The following ANO10 variants were observed in gnomAD, a reference collection of about 807,000 sequenced individuals.
The protein encoded by ANO10 is anoctamin-10.
Under a neutral mutation model 74.7 loss-of-function variants are expected in ANO10, and 77 were observed. That is an observed-to-expected ratio of 1.03 (90% CI 0.86 to 1.25). The LOEUF (loss-of-function observed/expected upper bound fraction) is 1.25. Among genes scored for constraint, ANO10 ranks in the 50% most tolerant of loss-of-function variants. The probability of loss-of-function intolerance (pLI) is 0.00; values close to 1 mark genes in which losing one functional copy is unlikely to be tolerated. For missense variants in ANO10, 721 were observed against 778.1 expected, an observed-to-expected ratio of 0.93 and a Z score of 0.87; for synonymous variants, 279 against 284.9, an observed-to-expected ratio of 0.98 and a Z score of 0.21.
intron 2 of ANO10, among the ~76,000 whole-genome samples, chr3:43,604,664 T>C (rs973097125): frequency 1.3e-5 from 2 of 152,136 alleles, no homozygotes; most frequent in Admixed American, 6.6e-5. Context: ...TTTGGAAAGA[T>C]TTTTTATGAT....
intron 2 of ANO10, 55 bp downstream of exon 2, chr3:43,605,659 T>TGAGAATACAGTGTGGGAGGCC: frequency 6.3e-7 from 1 of 1,594,386 alleles, no homozygotes; most frequent in Non-Finnish European, 8.6e-7. Flanking sequence ...TGTGGGAGGC[T>TGAGAATACAGTGTGGGAGGCC]GAGCATACAG....
At chr3:43,588,460 A>G (rs2081577091) in intron 4 of ANO10, among the ~76,000 whole-genome samples, 1 of 152,130 alleles carries the variant, frequency 6.6e-6, no homozygotes, top group South Asian at 2.1e-4. Context: ...ACAAAAAAGC[A>G]ATTTCAACAT....
chr3:43,513,444 AGTT>A (rs986064317), intron 11 of ANO10, among the ~76,000 whole-genome samples: 10 of 152,252 alleles, frequency 6.6e-5, no homozygotes, highest in African/African-American at 2.4e-4. Context: ...CAAAACAAAA[AGTT>A]GTTGCCAATC....
At chr3:43,380,084 C>T (rs2091917359) in intron 12 of ANO10, among the ~76,000 whole-genome samples, 1 of 152,032 alleles carries the variant, frequency 6.6e-6, no homozygotes, top group South Asian at 2.1e-4. Context: ...CAACAGAAGA[C>T]AGAATTTCAG....
At chr3:43,509,878 A>C (rs1197950276) in intron 11 of ANO10, among the ~76,000 whole-genome samples, 1 of 152,202 alleles carries the variant, frequency 6.6e-6, no homozygotes, top group Non-Finnish European at 1.5e-5. Context: ...AAAAGGAATA[A>C]GCTACTGGTA....
At chr3:43,431,927 ATGTGTCCAGGAGGT>A (rs978615432) in intron 12 of ANO10, among the ~76,000 whole-genome samples, 2 of 152,120 alleles carry the variant, frequency 1.3e-5, no homozygotes, top group Non-Finnish European at 2.9e-5. Flanking sequence ...AAGAAGGAGT[ATGTGTCCAGGAGGT>A]TCTGCCCAGA....
At chr3:43,373,694 A>G (rs1437508215) in intron 12 of ANO10, among the ~76,000 whole-genome samples, 4 of 152,340 alleles carry the variant, frequency 2.6e-5, no homozygotes, top group African/African-American at 9.6e-5. Context: ...AGCCATCCCC[A>G]GGCACACACT....
chr3:43,505,321 G>C (rs2077254246), intron 11 of ANO10, among the ~76,000 whole-genome samples: 5 of 152,142 alleles, frequency 3.3e-5, no homozygotes, highest in Admixed American at 3.3e-4. Context: ...TTTTCTATGA[G>C]AAAATAAGAT....
At chr3:43,618,634 G>A (rs115349270) in intron 1 of ANO10, among the ~76,000 whole-genome samples, 1,685 of 152,218 alleles carry the variant, frequency 0.011, 18 homozygotes, top group Non-Finnish European at 0.015. Context: ...CCAGGGACTG[G>A]AGTCAGCATC....
At chr3:43,565,163 T>G (rs1447969175) in intron 8 of ANO10, among the ~76,000 whole-genome samples, 1 of 151,928 alleles carries the variant, frequency 6.6e-6, no homozygotes, top group Non-Finnish European at 1.5e-5. Context: ...TGTTCTTAAT[T>G]TATTATTCAT....
At chr3:43,546,677 C>G (rs764048272) in intron 11 of ANO10, among the ~76,000 whole-genome samples, 1 of 151,038 alleles carries the variant, frequency 6.6e-6, no homozygotes, top group South Asian at 2.1e-4. Flanking sequence ...TATATGGGCT[C>G]AATAGTAGTG....
intron 1 of ANO10, among the ~76,000 whole-genome samples, chr3:43,669,251 G>C (rs1245145920): frequency 1.3e-5 from 2 of 152,156 alleles, no homozygotes; most frequent in East Asian, 1.9e-4. Flanking sequence ...CTTATTAAAA[G>C]GAACAGAATC....
At chr3:43,423,078 A>C (rs2092843786) in intron 12 of ANO10, among the ~76,000 whole-genome samples, 2 of 151,048 alleles carry the variant, frequency 1.3e-5, no homozygotes, top group Admixed American at 1.3e-4. Context: ...TTGGGGAGCT[A>C]CTCTTGTTAC....
chr3:43,617,806 CTTA>C (rs1331547116), intron 1 of ANO10, among the ~76,000 whole-genome samples: 11 of 152,130 alleles, frequency 7.2e-5, no homozygotes. Context: ...CAGGAATCAC[CTTA>C]TTCCAGATTC....
At chr3:43,488,295 C>A (rs374719234) in intron 11 of ANO10, among the ~76,000 whole-genome samples, 3 of 150,870 alleles carry the variant, frequency 2.0e-5, no homozygotes, top group South Asian at 4.2e-4. Context: ...AAAGCAATGG[C>A]AACAAAAGAC....
At position 43,644,205 on chromosome 3, in the gene ANO10, T is replaced by A. The variant is rs533086192; in HGVS notation, c.-11-38342A>T. ...TGATTGCACATTGTATATTTGGATC[T>A]CTGGTCCATTTGGGATTTATTTTAG... On this transcript the variant is annotated intron_variant, in intron 1 of 3. Coordinates refer to the ANO10 transcript ENST00000413397. 1.6e-3 allele frequency among the ~76,000 whole-genome samples: 237 copies of A among 152,316 alleles called. 1 individual carries two copies. The highest frequency in any genetic ancestry group is 5.2e-3 in the African/African-American group (215 of 41,570).
At chr3:43,601,928 GCCACAC>G (rs1253459523) in intron 2 of ANO10, among the ~76,000 whole-genome samples, 1 of 152,208 alleles carries the variant, frequency 6.6e-6, no homozygotes, top group Non-Finnish European at 1.5e-5. Context: ...GGCTCCTGGT[GCCACAC>G]CTTAAGATCC....
intron 11 of ANO10, among the ~76,000 whole-genome samples, chr3:43,441,673 CTG>C (rs1416878419): frequency 2.0e-5 from 3 of 152,042 alleles, no homozygotes; most frequent in African/African-American, 7.2e-5. Flanking sequence ...GTCAATATCA[CTG>C]TGATACCAAA....
chr3:43,656,377 G>C (rs566589034), intron 1 of ANO10, among the ~76,000 whole-genome samples: 1 of 152,366 alleles, frequency 6.6e-6, no homozygotes, highest in Admixed American at 6.5e-5. Context: ...AGTGGATCCC[G>C]CACAGGGGCT....
Sources: gnomAD v4.1 joint callset for allele counts (sites outside exome capture counted in the v4.1 genomes callset) on GRCh38, gnomAD v4.1.1 for gene constraint, MANE v1.5 for transcripts, NCBI Gene and HGNC (gene_info 2026-07-23, HGNC 2026-07-21) for gene names.